Variants in SYTL2 observed in about 807,000 individuals in gnomAD.
SYTL2 encodes the protein synaptotagmin like 2, also known as synaptotagmin-like protein 2.
Under a neutral mutation model 198.7 loss-of-function variants are expected in SYTL2, and 165 were observed. The observed-to-expected ratio is 0.83, with a 90% CI of 0.73 to 0.94. SYTL2 has a LOEUF of 0.94. Among genes scored for constraint, SYTL2 ranks in the 40% least tolerant of loss-of-function variants. The pLI is 0.00. For synonymous variants in SYTL2, 966 were observed against 917.7 expected, an observed-to-expected ratio of 1.05 and a Z score of -0.95; for missense variants, 2,835 against 2,582.8, an observed-to-expected ratio of 1.10 and a Z score of -2.12.
At chr11:85,848,083 C>G in the SYTL2 span, among the ~76,000 whole-genome samples, 1 of 151,846 alleles carries the variant, frequency 6.6e-6, no homozygotes, top group African/African-American at 2.4e-5. Context: ...AAATAAAAAA[C>G]TAAAAAATCA....
At chr11:85,711,318 G>C (rs1021683603) in intron 12 of SYTL2, 86 bp from the exon 13 acceptor site, 1 of 1,442,902 alleles carries the variant, frequency 6.9e-7, no homozygotes, top group Non-Finnish European at 9.5e-7. Context: ...ATGAGATTTT[G>C]GTATTCCACT....
chr11:85,752,261 T>C (rs535721280), intron 2 of SYTL2, among the ~76,000 whole-genome samples: 579 of 152,286 alleles, frequency 3.8e-3, no homozygotes, highest in Middle Eastern at 0.01. Context: ...GTTTAGACTG[T>C]GTGATTTGGA....
chr11:85,722,035 C>T (rs1467060294), intron 8 of SYTL2, among the ~76,000 whole-genome samples: 2 of 152,048 alleles, frequency 1.3e-5, no homozygotes, highest in African/African-American at 4.8e-5. Flanking sequence ...TTCACCCCAC[C>T]CCCACTGCAG....
intron 7 of SYTL2, among the ~76,000 whole-genome samples, chr11:85,731,299 A>G (rs537418929): frequency 5.3e-5 from 8 of 152,330 alleles, no homozygotes; most frequent in African/African-American, 1.9e-4. Context: ...AAAAAGAACA[A>G]AGCTGGAGGC....
At chr11:85,823,548 A>C in the SYTL2 span, among the ~76,000 whole-genome samples, 1 of 152,236 alleles carries the variant, frequency 6.6e-6, no homozygotes, top group South Asian at 2.1e-4. Flanking sequence ...TAAAACATCT[A>C]AAATGTACTA....
At chr11:85,840,590 TG>T in the SYTL2 span, among the ~76,000 whole-genome samples, 1 of 152,154 alleles carries the variant, frequency 6.6e-6, no homozygotes, top group Non-Finnish European at 1.5e-5. Flanking sequence ...TACAAATACC[TG>T]TTCTGTAACA....
At chr11:85,849,605 G>A in the SYTL2 span, among the ~76,000 whole-genome samples, 6 of 150,664 alleles carry the variant, frequency 4.0e-5, no homozygotes, top group East Asian at 1.2e-3. Context: ...GTAGATATGC[G>A]GCGTTATTTC....
chr11:85,826,805 G>A, the SYTL2 span, among the ~76,000 whole-genome samples: 3 of 152,168 alleles, frequency 2.0e-5, no homozygotes, highest in South Asian at 2.1e-4. Flanking sequence ...TTCACTCCTC[G>A]TGAAGGCAGG....
chr11:85,759,374 CCTT>C (rs1360926480), intron 1 of SYTL2, among the ~76,000 whole-genome samples: 2 of 152,122 alleles, frequency 1.3e-5, no homozygotes, highest in Non-Finnish European at 2.9e-5. Flanking sequence ...GGGAAGTTAT[CCTT>C]CTACCACTTA....
the SYTL2 span, among the ~76,000 whole-genome samples, chr11:85,833,062 A>C: frequency 4.8e-5 from 2 of 41,766 alleles, no homozygotes; most frequent in African/African-American, 7.9e-5. Context: ...AAAGAAAGAA[A>C]GAAAGAAAGA....
the SYTL2 span, among the ~76,000 whole-genome samples, chr11:85,839,155 C>T: frequency 2.0e-5 from 3 of 152,158 alleles, no homozygotes; most frequent in African/African-American, 7.2e-5. Context: ...ATAAATGCCA[C>T]TTTACCTCCT....
At chr11:85,830,977 T>C in the SYTL2 span, among the ~76,000 whole-genome samples, 2 of 152,356 alleles carry the variant, frequency 1.3e-5, no homozygotes, top group African/African-American at 2.4e-5. Context: ...GCCAGATTCA[T>C]GGAAGCAGCA....
At chr11:85,720,557 T>C (rs1015759899) in intron 9 of SYTL2, among the ~76,000 whole-genome samples, 1 of 152,242 alleles carries the variant, frequency 6.6e-6, no homozygotes, top group Admixed American at 6.5e-5. Context: ...TTTTCACTAA[T>C]ACTACTAGCT....
In SYTL2 at chr11:85,734,061, G is replaced by C. The variant is rs1277385756; in HGVS notation, c.1268C>G (p.Ser423Cys). 1 of 1,614,064 alleles carries C rather than the reference G, an allele frequency of 6.2e-7. No homozygotes were observed. Among genetic ancestry groups the C allele is most frequent in the Admixed American group, 1.7e-5 (1 of 60,026 alleles). ...SGSFPINGLH[S>C]HSEVLTARPQ... Reference sequence around the variant, plus strand: ...TCTTGCAGTTAAAACTTCTGAATGAGAATGCAGCCCATTAATTGGAAAAGA... The same window carrying C: ...TCTTGCAGTTAAAACTTCTGAATGACAATGCAGCCCATTAATTGGAAAAGA... The change falls in exon 7 of 20, where the codon TCT becomes TGT. Residue 423 changes from serine (S) to cysteine (C), a missense_variant. This residue lies in a region of SYTL2 where 2,645 missense variants were observed against 2,381.7 expected (regional missense o/e 1.11). Transcript: ENST00000359152.
Position 85,727,600 on chromosome 11 carries a change from C to CGTTTGTTCAACGATTAAAGTTGA in SYTL2, c.1757_1758insTCAACTTTAATCGTTGAACAAAC (p.Arg587GlnfsTer3), listed in dbSNP as rs1332650106. 1.3e-6 allele frequency: 2 copies of CGTTTGTTCAACGATTAAAGTTGA among 1,535,906 alleles called. No homozygotes were observed. Among genetic ancestry groups the CGTTTGTTCAACGATTAAAGTTGA allele is most frequent in the East Asian group, 4.9e-5 (2 of 40,918 alleles). On this transcript the variant is annotated stop_gained and frameshift_variant, in exon 8 of 20. Transcript: ENST00000359152. LOFTEE classifies it high-confidence loss of function. ...CTGCTTGGAATGGTGAGTCAGATCTCACAGGCTTCAATTCAATTTTGCTGG... is the reference window on the plus strand; with the variant it reads ...CTGCTTGGAATGGTGAGTCAGATCTCGTTTGTTCAACGATTAAAGTTGAACAGGCTTCAATTCAATTTTGCTGG...
In SYTL2 at chr11:85,709,473, T is replaced by C; in HGVS notation, c.5773A>G (p.Ser1925Gly). The stretch of plus-strand genomic sequence containing the variant: ...ACTTCCAGATTGCCAAAGTCTCCAC[T>C]ATAAACACTCATCACACTGCCACTC... ...SVSGSVMSVY[S>G]GDFGNLEVKG... The change falls in exon 14 of 20, where the codon AGT becomes GGT. Residue 1925 changes from serine (S) to glycine (G), a missense_variant. Coordinates refer to ENST00000359152, the MANE Select transcript of SYTL2 (RefSeq NM_206927.4). 1 of 1,613,984 alleles carries C rather than the reference T, an allele frequency of 6.2e-7. No individual in the cohort carries two copies. Among genetic ancestry groups the C allele is most frequent in the Non-Finnish European group, 8.5e-7 (1 of 1,180,006 alleles).
chr11:85,814,212 G>T (rs565121952), upstream of SYTL2, among the ~76,000 whole-genome samples: 10 of 152,162 alleles, frequency 6.6e-5, no homozygotes, highest in Non-Finnish European at 1.3e-4. Flanking sequence ...CCATGCCTCT[G>T]CCTGCCTCTC....
chr11:85,722,465 T>G (rs1036528218), intron 8 of SYTL2, among the ~76,000 whole-genome samples: 6 of 152,184 alleles, frequency 3.9e-5, no homozygotes, highest in South Asian at 2.1e-4. Flanking sequence ...TGAGCCACCG[T>G]GCCCAGCCTA....
At chr11:85,754,073 C>T (rs2091714503) in intron 2 of SYTL2, among the ~76,000 whole-genome samples, 1 of 152,034 alleles carries the variant, frequency 6.6e-6, no homozygotes, top group African/African-American at 2.4e-5. Context: ...AATAAATTGG[C>T]CTTTCTAATG....
Sources: gnomAD v4.1 joint callset for allele counts (sites outside exome capture counted in the v4.1 genomes callset) on GRCh38, gnomAD v4.1.1 for gene constraint, gnomAD v4.1.1 regional missense constraint, MANE v1.5 for transcripts, NCBI Gene and HGNC (gene_info 2026-07-23, HGNC 2026-07-21) for gene names.